Variants in C1GALT1 observed in about 807,000 individuals in gnomAD.
C1GALT1 encodes the protein core 1 synthase, glycoprotein-N-acetylgalactosamine 3-beta-galactosyltransferase 1.
A neutral mutation model predicts 31.0 loss-of-function variants in C1GALT1; 11 were observed. That is an observed-to-expected ratio of 0.36 (90% CI 0.22 to 0.59). The LOEUF (loss-of-function observed/expected upper bound fraction) is 0.59, where lower values mean the gene tolerates loss of function less well. Among genes scored for constraint, C1GALT1 ranks in the 20% least tolerant of loss-of-function variants. The probability of loss-of-function intolerance (pLI) is 0.79; values close to 1 mark genes in which losing one functional copy is unlikely to be tolerated. For synonymous variants in C1GALT1, 175 were observed against 143.6 expected (o/e 1.22, Z -1.56); for missense variants, 424 against 425.2 (o/e 1.00, Z 0.03).
intron 1 of C1GALT1, among the ~76,000 whole-genome samples, chr7:7,222,368 G>A (rs1377924754): frequency 6.6e-6 from 1 of 152,154 alleles, no homozygotes; most frequent in African/African-American, 2.4e-5. Flanking sequence ...ACTTCGTCCA[G>A]GAAAGTCTGG....
chr7:7,228,718 C>T (rs1243313157), intron 1 of C1GALT1, among the ~76,000 whole-genome samples: 1 of 152,192 alleles, frequency 6.6e-6, no homozygotes, highest in African/African-American at 2.4e-5. Context: ...TCTGAGTGTG[C>T]TGATACTCTG....
chr7:7,189,699 A>G (rs563227576), intron 1 of C1GALT1, among the ~76,000 whole-genome samples: 3 of 152,280 alleles, frequency 2.0e-5, no homozygotes, highest in African/African-American at 2.4e-5. Context: ...AGTTTATCCA[A>G]TGAATAAACT....
intron 1 of C1GALT1, among the ~76,000 whole-genome samples, chr7:7,189,015 T>A (rs55918303): frequency 0.24 from 35,861 of 152,088 alleles, 4,793 homozygotes; most frequent in East Asian, 0.42. Context: ...TTCATTTGTT[T>A]AGGTTTGTTC....
intron 1 of C1GALT1, among the ~76,000 whole-genome samples, chr7:7,211,565 C>T (rs1782004471): frequency 6.6e-6 from 1 of 152,150 alleles, no homozygotes; most frequent in Non-Finnish European, 1.5e-5. Flanking sequence ...CGTGTGTATC[C>T]CTATTGCAAA....
At chr7:7,168,599 T>G (rs1305881385) in intron 2 of C1GALT1, among the ~76,000 whole-genome samples, 1 of 152,222 alleles carries the variant, frequency 6.6e-6, no homozygotes, top group Admixed American at 6.5e-5. Context: ...GTTACCATTT[T>G]CGTGGTTACA....
intron 2 of C1GALT1, among the ~76,000 whole-genome samples, chr7:7,167,746 T>G (rs1309906593): frequency 2.0e-5 from 3 of 152,152 alleles, no homozygotes; most frequent in Non-Finnish European, 4.4e-5. Context: ...CCCCCAGGCC[T>G]CTTCTCACAG....
chr7:7,204,119 GTT>G (rs1208079006), intron 1 of C1GALT1, among the ~76,000 whole-genome samples: 1 of 115,196 alleles, frequency 8.7e-6, no homozygotes. Context: ...TTGTTTTTTT[GTT>G]TTTTTTTTTG....
At chr7:7,216,073 T>G (rs1229125409) in intron 1 of C1GALT1, among the ~76,000 whole-genome samples, 3 of 152,138 alleles carry the variant, frequency 2.0e-5, no homozygotes, top group African/African-American at 7.2e-5. Context: ...TTGCAGAGGT[T>G]TATTAGAAAT....
intron 1 of C1GALT1, among the ~76,000 whole-genome samples, chr7:7,227,033 G>C (rs1475245664): frequency 2.0e-5 from 3 of 152,028 alleles, no homozygotes; most frequent in Non-Finnish European, 2.9e-5. Flanking sequence ...TATTTAATGA[G>C]CCCTCCAACT....
chr7:7,161,577 C>T (rs1441341568), intron 2 of C1GALT1, among the ~76,000 whole-genome samples: 3 of 152,088 alleles, frequency 2.0e-5, no homozygotes, highest in Non-Finnish European at 4.4e-5. Context: ...CCTTTGCAAA[C>T]ATCCTCCCCT....
intron 1 of C1GALT1, among the ~76,000 whole-genome samples, chr7:7,186,629 G>A (rs148047444): frequency 0.017 from 2,558 of 152,324 alleles, 45 homozygotes; most frequent in Non-Finnish European, 0.023. Context: ...GGTGCTGTGG[G>A]TAAGCATAGG....
intron 2 of C1GALT1, among the ~76,000 whole-genome samples, chr7:7,173,738 T>TA (rs796622361): frequency 1.1e-3 from 160 of 152,034 alleles, no homozygotes; most frequent in African/African-American, 3.7e-3. Context: ...CCTATTTCTA[T>TA]AAAAAATACA....
At chr7:7,226,923 T>C (rs528298434) in intron 1 of C1GALT1, among the ~76,000 whole-genome samples, 86 of 152,312 alleles carry the variant, frequency 5.6e-4, no homozygotes, top group African/African-American at 2.0e-3. Context: ...GGAGTGTGTG[T>C]GTATGTATAT....
At chr7:7,214,281 C>T (rs1036366879) in intron 1 of C1GALT1, among the ~76,000 whole-genome samples, 1 of 152,116 alleles carries the variant, frequency 6.6e-6, no homozygotes, top group African/African-American at 2.4e-5. Context: ...GGGTCTGTGG[C>T]ATCTCCTGTT....
chr7:7,218,992 C>G (rs764708851), intron 1 of C1GALT1, among the ~76,000 whole-genome samples: 1 of 151,892 alleles, frequency 6.6e-6, no homozygotes, highest in Non-Finnish European at 1.5e-5. Flanking sequence ...CGCCACCACA[C>G]CCGGCTAATT....
upstream of C1GALT1, chr7:7,177,968 A>G: frequency 4.7e-6 from 1 of 214,360 alleles, no homozygotes; most frequent in East Asian, 1.1e-4. Context: ...CTAATCAGTG[A>G]TAAAACTGGG....
intron 1 of C1GALT1, among the ~76,000 whole-genome samples, chr7:7,225,765 T>C (rs535826687): frequency 6.6e-6 from 1 of 152,204 alleles, no homozygotes; most frequent in Non-Finnish European, 1.5e-5. Flanking sequence ...TTAGAGCCCG[T>C]GGACTTTTCA....
intron 2 of C1GALT1, among the ~76,000 whole-genome samples, chr7:7,158,451 AG>A (rs1780297567): frequency 6.6e-6 from 1 of 152,142 alleles, no homozygotes; most frequent in Non-Finnish European, 1.5e-5. Flanking sequence ...ACGTGGCCCG[AG>A]TCAGCTGTTT....
intron 1 of C1GALT1, among the ~76,000 whole-genome samples, chr7:7,226,378 A>G (rs75551108): frequency 1.1e-5 from 1 of 95,224 alleles, no homozygotes; most frequent in South Asian, 3.1e-4. Context: ...AAAAAAAAAA[A>G]TAACTAGAAT....
Sources: allele counts gnomAD v4.1 joint callset (sites outside exome capture counted in the v4.1 genomes callset), GRCh38; gene constraint gnomAD v4.1.1; transcripts MANE v1.5; gene names NCBI Gene and HGNC (gene_info 2026-07-23, HGNC 2026-07-21).